The following APOB variants were observed in gnomAD, a reference collection of about 807,000 sequenced individuals.
The protein encoded by APOB is apolipoprotein B-100.
Under a neutral mutation model 314.1 loss-of-function variants are expected in APOB, and 153 were observed. The observed-to-expected ratio is 0.49, with a 90% CI of 0.43 to 0.56. APOB has a LOEUF of 0.56. Among genes scored for constraint, APOB ranks in the 20% least tolerant of loss-of-function variants. The probability of loss-of-function intolerance (pLI) is 0.00; values close to 1 mark genes in which losing one functional copy is unlikely to be tolerated. For missense variants in APOB, 5,430 were observed against 5,350.7 expected (o/e 1.01, Z -0.46); for synonymous variants, 2,087 against 2,036.4 (o/e 1.02, Z -0.67).
At chr2:21,035,334 T>C (rs559095721) in intron 7 of APOB, among the ~76,000 whole-genome samples, 64 of 152,266 alleles carry the variant, frequency 4.2e-4, no homozygotes, top group Middle Eastern at 3.4e-3. Flanking sequence ...GATCCTCAGG[T>C]TTTCTGGATC....
At position 21,013,429 on chromosome 2, in the gene APOB, A is replaced by G. The variant is rs1663385802; in HGVS notation, c.3947T>C (p.Val1316Ala). 1 of 1,614,100 alleles carries G rather than the reference A, an allele frequency of 6.2e-7. No individual in the cohort carries two copies. Among genetic ancestry groups the G allele is most frequent in the Admixed American group, 1.7e-5 (1 of 60,010 alleles). ...SSRDLKMLET[V>A]RTPALHFKSV... Reference sequence around the variant, plus strand: ...CTTGAAGTGGAGGGCTGGTGTCCTAACAGTCTCTAACATCTTTAGATCTCT... The same window carrying G: ...CTTGAAGTGGAGGGCTGGTGTCCTAGCAGTCTCTAACATCTTTAGATCTCT... The change falls in exon 25 of 29, where the codon GTT (valine) becomes GCT (alanine). Residue 1316 changes from valine to alanine, a missense_variant. By Grantham distance (64) the Val-to-Ala change is moderately conservative. Coordinates refer to ENST00000233242, the MANE Select transcript of APOB (RefSeq NM_000384.3).
In APOB at chr2:21,005,652, T is replaced by A. The variant is rs1300279997; in HGVS notation, c.11216A>T (p.Asp3739Val). 2 of 1,613,780 alleles carry A rather than the reference T, an allele frequency of 1.2e-6. No homozygotes were observed. Among genetic ancestry groups the A allele is most frequent in the African/African-American group, 1.3e-5 (1 of 74,884 alleles). ...AGGCATGACAAGAACTGAATTTAGA[T>A]CATTTAGTTTCAGCCCAGGAATAAT... ...KFIIPGLKLNDLNSVLVMPTF... is the reference protein window; with the variant it reads ...KFIIPGLKLNVLNSVLVMPTF... Residue 3739 changes from aspartate (D) to valine (V), a missense_variant, in exon 26 of 29, where the codon GAT (aspartate) becomes GTT (valine). Asp to Val is a radical substitution (Grantham distance 152, BLOSUM62 -3). Coordinates refer to ENST00000233242, the MANE Select transcript of APOB (RefSeq NM_000384.3).
chr2:21,027,372 C>T (rs1003876845), intron 14 of APOB, among the ~76,000 whole-genome samples: 4 of 134,610 alleles, frequency 3.0e-5, no homozygotes, highest in Admixed American at 9.2e-5. Context: ...AGCGCAGTGG[C>T]GCAATCTCTC....
intron 12 of APOB, among the ~76,000 whole-genome samples, chr2:21,029,004 T>C (rs1409213395): frequency 6.6e-6 from 1 of 152,208 alleles, no homozygotes; most frequent in East Asian, 1.9e-4. Context: ...TGTTTTTCCA[T>C]GATGAGAGGG....
At chr2:21,023,493 C>G in intron 17 of APOB, 32 bp downstream of exon 17, 1 of 1,612,998 alleles carries the variant, frequency 6.2e-7, no homozygotes, top group Non-Finnish European at 8.5e-7. Context: ...AAAGTAATAA[C>G]CTAAGAAATC....
In APOB at chr2:21,032,448, C is replaced by G. The variant is rs192004342; in HGVS notation, c.1258G>C (p.Glu420Gln). The change falls in exon 10 of 29, where the codon GAG becomes CAG. Residue 420 changes from glutamate to glutamine, a missense_variant. By Grantham distance (29) the Glu-to-Gln change is conservative. This residue lies in a region of APOB where 2,085 missense variants were observed against 2,079.7 expected (regional missense o/e 1.00). Transcript: ENST00000233242. ...TCTCGCAGCTGCTGTGCTGAGGGCT[C>G]GGGGATCAGGGCCACCAGGTAGGTG... ...VVTYLVALIPEPSAQQLREIF... is the reference protein window; with the variant it reads ...VVTYLVALIPQPSAQQLREIF... The G allele has an allele frequency of 6.2e-7, 1 of 1,614,100 alleles. No individual in the cohort carries two copies. The highest frequency in any genetic ancestry group is 1.3e-5 in the African/African-American group (1 of 75,020).
In APOB at chr2:21,035,707, G is replaced by C. The variant is rs756001082; in HGVS notation, c.695C>G (p.Thr232Ser). 6.2e-7 allele frequency: 1 copy of C among 1,613,968 alleles called. No homozygotes were observed. Among genetic ancestry groups the C allele is most frequent in the Non-Finnish European group, 8.5e-7 (1 of 1,180,004 alleles). Residue 232 changes from threonine (T) to serine (S), a missense_variant and splice_region_variant, in exon 7 of 29, where the codon ACC (threonine) becomes AGC (serine). Thr to Ser is a moderately conservative substitution (Grantham distance 58). This residue lies in a region of APOB where 2,085 missense variants were observed against 2,079.7 expected (regional missense o/e 1.00). Transcript: ENST00000233242. ...GCTGATCAGAGTTGACAAGGGGCGG[G>C]TCTATGAAAGAGATTGGAGACGAGC... ...ISPLALIKGM[T>S]RPLSTLISSS... is the part of the protein sequence containing the mutation.
At chr2:21,035,073 C>T (rs777834840) in intron 7 of APOB, among the ~76,000 whole-genome samples, 172 bp from the exon 8 acceptor site, 3 of 152,202 alleles carry the variant, frequency 2.0e-5, no homozygotes, top group Non-Finnish European at 4.4e-5. Context: ...TTCCTGGTCA[C>T]GCTAGTTATC....
chr2:21,031,504 A>G (rs1357224155), intron 10 of APOB, among the ~76,000 whole-genome samples: 1 of 152,212 alleles, frequency 6.6e-6, no homozygotes, highest in Non-Finnish European at 1.5e-5. Context: ...GGTACACTAT[A>G]TGTTGTCTGG....
In APOB at chr2:21,023,681, G is replaced by A; in HGVS notation, c.2448C>T (p.Val816=). ...LQGIPQMIGE[V]IRKGSKNDFF... is the part of the protein sequence containing the mutation. ...AGTCATTCTTTGAGCCCTTCCTGAT[G>A]ACCTCTCCAATCTGTAGACCCAACA... is the stretch of plus-strand genomic sequence containing the variant. Residue 816 remains valine, a synonymous_variant, in exon 17 of 29, where the codon GTC becomes GTT. Transcript: ENST00000233242. 6.2e-7 allele frequency: 1 copy of A among 1,611,056 alleles called. No individual in the cohort carries two copies. Among genetic ancestry groups the A allele is most frequent in the African/African-American group, 1.3e-5 (1 of 74,978 alleles).
intron 12 of APOB, among the ~76,000 whole-genome samples, chr2:21,028,766 T>C (rs1162246828): frequency 1.3e-5 from 2 of 152,374 alleles, no homozygotes; most frequent in East Asian, 3.9e-4. Context: ...TCAATTCCAT[T>C]AAAACACATA....
At chr2:21,016,697 G>A in intron 20 of APOB, 48 bp from the exon 21 acceptor site, 1 of 1,334,888 alleles carries the variant, frequency 7.5e-7, no homozygotes, top group Non-Finnish European at 1.1e-6. Context: ...AAGAAGCTAT[G>A]TTTTGGGCCG....
At position 21,006,178 on chromosome 2, in the gene APOB, C is replaced by T; in HGVS notation, c.10690G>A (p.Glu3564Lys). ...TGTAAGTGGTTTTTCGTACTGTGCT[C>T]CCAGAGGGAATATATGCGTTGGAGT... is the stretch of plus-strand genomic sequence containing the variant. Reference protein sequence around the residue: ...ATLQRIYSLWEHSTKNHLQLE... With the variant: ...ATLQRIYSLWKHSTKNHLQLE... Residue 3564 changes from glutamate (E) to lysine (K), a missense_variant, in exon 26 of 29, where the codon GAG (glutamate) becomes AAG (lysine). Glu to Lys is a moderately conservative substitution (Grantham distance 56). This residue lies in a region of APOB where 3,281 missense variants were observed against 3,171.0 expected (regional missense o/e 1.03). Transcript: ENST00000233242. 6.2e-7 allele frequency: 1 copy of T among 1,613,980 alleles called. No individual in the cohort carries two copies. Among genetic ancestry groups the T allele is most frequent in the Non-Finnish European group, 8.5e-7 (1 of 1,179,936 alleles).
At chr2:21,021,259 AC>A (rs1226570890) in intron 18 of APOB, among the ~76,000 whole-genome samples, 2 of 151,308 alleles carry the variant, frequency 1.3e-5, no homozygotes, top group African/African-American at 4.9e-5. Context: ...TTGTCCCCAT[AC>A]CCAGTTAATC....
Position 21,033,431 on chromosome 2 carries a change from T to A in APOB, c.992A>T (p.Glu331Val). 1 of 1,614,196 alleles carries A rather than the reference T, an allele frequency of 6.2e-7. No homozygotes were observed. The highest frequency in any genetic ancestry group is 8.5e-7 in the Non-Finnish European group (1 of 1,180,034). The change falls in exon 9 of 29, where the codon GAA becomes GTA. Residue 331 changes from glutamate (E) to valine (V), a missense_variant. This residue lies in a region of APOB where 2,085 missense variants were observed against 2,079.7 expected (regional missense o/e 1.00). Coordinates refer to ENST00000233242, the MANE Select transcript of APOB (RefSeq NM_000384.3). ...QAEAVLKTLQELKKLTISEQN... is the reference protein window; with the variant it reads ...QAEAVLKTLQVLKKLTISEQN... The stretch of plus-strand genomic sequence containing the variant: ...CTCAGAGATGGTTAGTTTTTTCAGT[T>A]CCTGGAGAGTCTTCAAAACAGCTTC...
chr2:21,027,382 C>T (rs900898690), intron 14 of APOB, among the ~76,000 whole-genome samples: 52 of 141,614 alleles, frequency 3.7e-4, no homozygotes, highest in South Asian at 1.1e-3. Flanking sequence ...CGCAATCTCT[C>T]GGCTCACTGC....
At chr2:21,014,707 C>T in intron 23 of APOB, 114 bp from the exon 24 acceptor site, 4 of 1,067,296 alleles carry the variant, frequency 3.7e-6, no homozygotes, top group South Asian at 2.8e-5. Flanking sequence ...GGACAATGCA[C>T]TGAAAGTTAA....
chr2:21,013,703 C>T (rs902226906), intron 24 of APOB, among the ~76,000 whole-genome samples, 170 bp from the exon 25 acceptor site: 1 of 152,088 alleles, frequency 6.6e-6, no homozygotes, highest in Admixed American at 6.6e-5. Context: ...CTCCACCTGT[C>T]AAACACTCAA....
At chr2:21,033,842 G>A in intron 8 of APOB, among the ~76,000 whole-genome samples, 1 of 152,208 alleles carries the variant, frequency 6.6e-6, no homozygotes, top group Middle Eastern at 3.2e-3. Flanking sequence ...ACAAAGAGAT[G>A]AGACCCAGAG....
Sources: allele counts gnomAD v4.1 joint callset (sites outside exome capture counted in the v4.1 genomes callset), GRCh38; gene constraint gnomAD v4.1.1; regional missense constraint gnomAD v4.1.1; transcripts MANE v1.5; gene names NCBI Gene and HGNC (gene_info 2026-07-23, HGNC 2026-07-21).